The following SLC38A7 variants were observed in gnomAD, a reference collection of about 807,000 sequenced individuals.
SLC38A7 encodes solute carrier family 38 member 7.
A neutral mutation model predicts 50.1 loss-of-function variants in SLC38A7; 29 were observed. The observed-to-expected ratio is 0.58, with a 90% confidence interval of 0.43 to 0.79. The LOEUF (loss-of-function observed/expected upper bound fraction) is 0.79, where lower values mean the gene tolerates loss of function less well. Ranked by LOEUF, SLC38A7 falls within the 30% of genes least tolerant of loss-of-function variation. SLC38A7 has a pLI of 0.00. For missense variants in SLC38A7, 483 were observed against 610.6 expected (o/e 0.79, Z 2.20); for synonymous variants, 244 against 245.9 (o/e 0.99, Z 0.07).
intron 11 of SLC38A7, among the ~76,000 whole-genome samples, chr16:58,669,567 G>A (rs1410549898): frequency 2.6e-5 from 4 of 152,210 alleles, no homozygotes; most frequent in East Asian, 3.9e-4. Flanking sequence ...ATGTGGGGGC[G>A]AGTGGGTTGT....
At chr16:58,672,295 G>T in intron 8 of SLC38A7, 52 bp from the exon 9 acceptor site, 1 of 1,533,554 alleles carries the variant, frequency 6.5e-7, no homozygotes, top group South Asian at 1.2e-5. Context: ...TAGTGGGGTG[G>T]ACTGTCCACT....
In SLC38A7 at chr16:58,665,977, C is replaced by G. The variant is rs2044029385; in HGVS notation, c.*1408G>C. On this transcript the variant is annotated 3_prime_UTR_variant, in exon 12 of 12. Transcript: ENST00000219320. ...AACGGGGTGAGGGGGAAGGAAGGAG[C>G]AGACAAAATCCAGACTGGAAGGGAA... The G allele has an allele frequency of 6.6e-6, 1 of 152,612 alleles. No homozygotes were observed. Among genetic ancestry groups the G allele is most frequent in the Non-Finnish European group, 1.5e-5 (1 of 68,406 alleles). The allele number at this position is 152,612 out of a possible 1,614,324, so 9.5% of individuals were successfully genotyped here.
chr16:58,683,615 G>C (rs2044436611), intron 2 of SLC38A7: 1 of 152,320 alleles, frequency 6.6e-6, no homozygotes. Flanking sequence ...AGTGTAGCTA[G>C]AGAAAGAACC....
At chr16:58,675,916 G>A in intron 8 of SLC38A7, 24 bp downstream of exon 8, 1 of 1,525,892 alleles carries the variant, frequency 6.6e-7, no homozygotes. Flanking sequence ...CTAGTCCCAG[G>A]TCTTGGGGGG....
chr16:58,682,414 C>T (rs539541130), intron 2 of SLC38A7, among the ~76,000 whole-genome samples: 8 of 152,156 alleles, frequency 5.3e-5, no homozygotes, highest in African/African-American at 7.2e-5. Context: ...CCCGATTTCA[C>T]GGTACTCATA....
chr16:58,676,368 G>A (rs1296645291), intron 6 of SLC38A7, 22 bp from the exon 7 acceptor site: 2 of 1,614,050 alleles, frequency 1.2e-6, no homozygotes, highest in South Asian at 2.2e-5. Context: ...CACACATGGT[G>A]CTGCCACCTG....
rs1371684691 is a variant in SLC38A7, at chr16:58,671,244, C to T, written c.1032G>A (p.Arg344=). The change falls in exon 10 of 12, where the codon CGG becomes CGA. Residue 344 remains arginine, a splice_region_variant and synonymous_variant. Coordinates refer to ENST00000219320, the MANE Select transcript of SLC38A7 (RefSeq NM_018231.3). ...GCAGCCACAGGCCTTCCACCACCGC[C>T]CTGCCCACATGGAGAAGGGCTTAGA... ...TSYPILHFCG[R]AVVEGLWLRY... 6.2e-7 allele frequency: 1 copy of T among 1,613,382 alleles called. No homozygotes were observed. The highest frequency in any genetic ancestry group is 1.3e-5 in the African/African-American group (1 of 74,916).
chr16:58,673,899 C>T (rs1010988133), intron 8 of SLC38A7, among the ~76,000 whole-genome samples: 7 of 151,436 alleles, frequency 4.6e-5, no homozygotes, highest in African/African-American at 1.7e-4. Context: ...GATCTTGGCT[C>T]ACTGCAACCT....
intron 8 of SLC38A7, among the ~76,000 whole-genome samples, chr16:58,673,308 T>C (rs1037840111): frequency 2.6e-5 from 4 of 151,400 alleles, no homozygotes; most frequent in Non-Finnish European, 5.9e-5. Context: ...CGATTTCAGC[T>C]TACTGCCACC....
rs764796204 is a variant in SLC38A7, at chr16:58,678,651, G to A, written c.469+45C>T. 1.1e-5 allele frequency: 18 copies of A among 1,604,352 alleles called. No individual in the cohort carries two copies. The highest frequency in any genetic ancestry group is 1.5e-5 in the Non-Finnish European group (18 of 1,174,130). ...TTTTCCCTCCACCCCAGGATCCCTG[G>A]GGCTGATAAGAAGAGATGGGGTAGG... is the stretch of plus-strand genomic sequence containing the variant. On this transcript the variant is annotated intron_variant, in intron 4 of 11. Coordinates refer to ENST00000219320, the MANE Select transcript of SLC38A7 (RefSeq NM_018231.3). The surrounding 1 kb of genome is among the most constrained non-coding windows in gnomAD (Gnocchi z 4.0).
rs2044043279 is a variant in SLC38A7 at position 58,666,760 on chromosome 16, C to T, written c.*625G>A. 6.5e-6 allele frequency: 1 copy of T among 153,084 alleles called. No homozygotes were observed. Among genetic ancestry groups the T allele is most frequent in the African/African-American group, 2.4e-5 (1 of 41,444 alleles). 9.5% of individuals were successfully genotyped at this position (153,084 alleles called of 1,614,324 possible). A position where few individuals can be genotyped will look rare whatever the true frequency, so the allele number is the denominator to read the frequency against. Reference sequence around the variant, plus strand: ...GAGGAGAGGGATGCCCAGCCTGGACCATCAGGTTTGATGAAAGAGACAGGG... The same window carrying T: ...GAGGAGAGGGATGCCCAGCCTGGACTATCAGGTTTGATGAAAGAGACAGGG... On this transcript the variant is annotated 3_prime_UTR_variant, in exon 12 of 12. Transcript: ENST00000219320.
At chr16:58,672,662 T>C (rs575413555) in intron 8 of SLC38A7, among the ~76,000 whole-genome samples, 126 of 152,300 alleles carry the variant, frequency 8.3e-4, no homozygotes, top group African/African-American at 2.9e-3. Flanking sequence ...TCTTTTCTTT[T>C]TTGAGACAGA....
rs1197599313 is a variant in SLC38A7, at chr16:58,676,951, GC to G, written c.710+374del. ...TTACAGGCGTGAGCCATTGTGCCTG[GC>G]CCCCCCCCTTTTTTTTTAATAATAA... On this transcript the variant is annotated intron_variant, in intron 6 of 11. Transcript: ENST00000219320. Among the ~76,000 whole-genome samples the G allele has an allele frequency of 9.5e-3, 1,416 of 149,616 alleles. 10 individuals carry two copies. The highest frequency in any genetic ancestry group is 9.5e-3 in the South Asian group (45 of 4,722).
intron 8 of SLC38A7, among the ~76,000 whole-genome samples, chr16:58,674,385 T>A (rs1332828002): frequency 6.6e-6 from 1 of 152,106 alleles, no homozygotes; most frequent in Non-Finnish European, 1.5e-5. Flanking sequence ...CAAGCGATCC[T>A]CCCACCTCAG....
chr16:58,678,442 C>A lies in SLC38A7; in HGVS notation c.502G>T (p.Ala168Ser). ...IAVMAKEPEG[A>S]SGPWYTDRKF... is the part of the protein sequence containing the mutation. ...CGGTCTGTGTACCAAGGGCCGCTGG[C>A]CCCCTCCGGCTCTTTCGCCATCACA... The change falls in exon 5 of 12, where the codon GCC (alanine) becomes TCC (serine). Residue 168 changes from alanine to serine, a missense_variant. Ala to Ser is a moderately conservative substitution (Grantham distance 99). Transcript: ENST00000219320. This position sits in a 1 kb window ranked among gnomAD's most constrained non-coding sequence, Gnocchi z 4.0. 3.8e-6 allele frequency: 6 copies of A among 1,572,204 alleles called. No homozygotes were observed. The highest frequency in any genetic ancestry group is 1.9e-5 in the Admixed American group (1 of 53,186).
chr16:58,677,651 A>C (rs2044298534), intron 5 of SLC38A7: 1 of 532,212 alleles, frequency 1.9e-6, no homozygotes, highest in African/African-American at 1.9e-5. Flanking sequence ...ATTCCTGGCC[A>C]TCAGGAAGTG....
At position 58,670,399 on chromosome 16, in the gene SLC38A7, A is replaced by AGGGACAGCACT. The variant is rs1463331663; in HGVS notation, c.1232-243_1232-233dup. Among the ~76,000 whole-genome samples, 4 of 152,346 alleles carry AGGGACAGCACT rather than the reference A, an allele frequency of 2.6e-5. No homozygotes were observed. In the East Asian group the frequency reaches 7.7e-4, roughly 29 times the overall value. On this transcript the variant is annotated intron_variant, in intron 10 of 11. Transcript: ENST00000219320. ...TGGGCAGCATGCTAGACTCAGCTAA[A>AGGGACAGCACT]GGGACAGCACTCAATGGTGACTCAG...
At position 58,678,843 on chromosome 16, in the gene SLC38A7, G is replaced by A. The variant is rs1429704389; in HGVS notation, c.322C>T (p.Gln108Ter). The A allele has an allele frequency of 1.2e-6, 2 of 1,614,156 alleles. No homozygotes were observed. Among genetic ancestry groups the A allele is most frequent in the Admixed American group, 1.7e-5 (1 of 60,022 alleles). ...SGLVILAYCSQASNERTYQEV... is the reference protein window; with the variant it reads ...SGLVILAYCS ...TGGTAGGTCCTCTCATTGCTGGCCT[G>A]GGAGCAGTAGGCCAGGATGACAAGG... Residue 108 changes from glutamine to a stop codon, truncating the protein, a stop_gained, in exon 4 of 12, where the codon CAG becomes TAG. Transcript: ENST00000219320. LOFTEE classifies it high-confidence loss of function. This position sits in a 1 kb window ranked among gnomAD's most constrained non-coding sequence, Gnocchi z 4.0.
Position 58,677,394 on chromosome 16 carries a change from G to C in SLC38A7, c.642C>G (p.Val214=), listed in dbSNP as rs1267461546. Residue 214 remains valine, a synonymous_variant, in exon 6 of 12, where the codon GTC becomes GTG. Coordinates refer to ENST00000219320, the MANE Select transcript of SLC38A7 (RefSeq NM_018231.3). ...SFLSVVGTWY[V]TAIVIIKYIW... ...TGTACTTGATGATAACGATGGCTGT[G>C]ACGTACCAGGTACCCACGACGCTCA... 2.5e-6 allele frequency: 4 copies of C among 1,613,616 alleles called. No individual in the cohort carries two copies. In the African/African-American group the frequency reaches 5.3e-5, roughly 22 times the overall value.
Sources: gnomAD v4.1 joint callset for allele counts (sites outside exome capture counted in the v4.1 genomes callset) on GRCh38, gnomAD v4.1.1 for gene constraint, Gnocchi (gnomAD v3.1) non-coding constraint, MANE v1.5 for transcripts, NCBI Gene and HGNC (gene_info 2026-07-23, HGNC 2026-07-21) for gene names.